LYPLAL1: variants seen among roughly 807,000 people sequenced by gnomAD.
The protein encoded by LYPLAL1 is lysophospholipase-like protein 1.
Under a neutral mutation model 19.7 loss-of-function variants are expected in LYPLAL1, and 23 were observed. The observed-to-expected ratio is 1.17, with a 90% CI of 0.84 to 1.65. LYPLAL1 has a LOEUF of 1.65. Among genes scored for constraint, LYPLAL1 ranks in the 40% most tolerant of loss-of-function variants. The pLI is 0.00. For synonymous variants in LYPLAL1, 119 were observed against 96.3 expected, an observed-to-expected ratio of 1.24 and a Z score of -1.38; for missense variants, 355 against 279.4, an observed-to-expected ratio of 1.27 and a Z score of -1.93.
the LYPLAL1 span, among the ~76,000 whole-genome samples, chr1:219,440,942 T>C: frequency 3.9e-5 from 6 of 152,150 alleles, no homozygotes; most frequent in African/African-American, 1.4e-4. Flanking sequence ...CACAGCACCA[T>C]TTATGAAGTT....
the LYPLAL1 span, among the ~76,000 whole-genome samples, chr1:219,235,886 T>C: frequency 7.2e-4 from 109 of 152,280 alleles, no homozygotes; most frequent in South Asian, 1.9e-3. Context: ...ACCAAAGACA[T>C]GGTTCTGAGG....
the LYPLAL1 span, among the ~76,000 whole-genome samples, chr1:219,314,801 T>C: frequency 1.3e-5 from 2 of 152,238 alleles, no homozygotes; most frequent in East Asian, 1.9e-4. Flanking sequence ...CATGTCTTTA[T>C]TGATCCATTA....
At chr1:219,188,096 A>G (rs998862529) in intron 2 of LYPLAL1, among the ~76,000 whole-genome samples, 5 of 151,814 alleles carry the variant, frequency 3.3e-5, no homozygotes, top group African/African-American at 9.7e-5. Flanking sequence ...CCCAAGTGGC[A>G]CAAATGATTA....
At chr1:219,273,341 A>G in the LYPLAL1 span, 1 of 152,188 alleles carries the variant, frequency 6.6e-6, no homozygotes, top group Admixed American at 6.5e-5. Flanking sequence ...GCTAACACAC[A>G]CTTTTTGATG....
chr1:219,401,198 A>G, the LYPLAL1 span, among the ~76,000 whole-genome samples: 1 of 151,998 alleles, frequency 6.6e-6, no homozygotes, highest in East Asian at 1.9e-4. Flanking sequence ...CTGCTAATTT[A>G]TCACTACTGT....
At chr1:219,331,688 G>A in the LYPLAL1 span, among the ~76,000 whole-genome samples, 12 of 152,248 alleles carry the variant, frequency 7.9e-5, no homozygotes, top group South Asian at 2.1e-4. Context: ...GCCAAGGGCC[G>A]GACACAATGA....
chr1:219,355,337 G>C, the LYPLAL1 span, among the ~76,000 whole-genome samples: 2 of 152,048 alleles, frequency 1.3e-5, no homozygotes, highest in South Asian at 4.2e-4. Flanking sequence ...AAATAAAGGA[G>C]ATAAAAGGGA....
chr1:219,371,579 A>G, the LYPLAL1 span, among the ~76,000 whole-genome samples: 8 of 152,224 alleles, frequency 5.3e-5, no homozygotes, highest in Non-Finnish European at 7.3e-5. Flanking sequence ...GTTTCTCTGT[A>G]CATATTTATA....
At chr1:219,186,455 C>T (rs1656728978) in intron 2 of LYPLAL1, among the ~76,000 whole-genome samples, 1 of 151,742 alleles carries the variant, frequency 6.6e-6, no homozygotes, top group South Asian at 2.1e-4. Context: ...GTCTGTTTCT[C>T]CCTTTAGTTC....
the LYPLAL1 span, among the ~76,000 whole-genome samples, chr1:219,219,134 C>T: frequency 6.6e-6 from 1 of 152,178 alleles, no homozygotes; most frequent in African/African-American, 2.4e-5. Flanking sequence ...TGAATGCTTC[C>T]AGGGCCAAGA....
At chr1:219,331,555 T>C in the LYPLAL1 span, among the ~76,000 whole-genome samples, 1 of 152,196 alleles carries the variant, frequency 6.6e-6, no homozygotes, top group African/African-American at 2.4e-5. Context: ...ACAATGCTAA[T>C]GCCTATTTGC....
intron 2 of LYPLAL1, 31 bp from the exon 3 acceptor site, chr1:219,193,049 CTT>C: frequency 1.5e-6 from 2 of 1,376,818 alleles, no homozygotes; most frequent in Non-Finnish European, 1.9e-6. Flanking sequence ...CTTTTCCTTT[CTT>C]TTTTTTTGGG....
At chr1:219,230,198 C>T in the LYPLAL1 span, among the ~76,000 whole-genome samples, 1 of 152,144 alleles carries the variant, frequency 6.6e-6, no homozygotes, top group African/African-American at 2.4e-5. Flanking sequence ...CTGCAACCTC[C>T]GCCTCCCGGG....
At position 219,211,832 on chromosome 1, in the gene LYPLAL1, C is replaced by G. The variant is rs993590444; in HGVS notation, c.*104C>G. The stretch of plus-strand genomic sequence containing the variant: ...TTAAAATATTAAGAAATAACACTTT[C>G]CTGACTTTTTTATTATTAAAATGCT... On this transcript the variant is annotated 3_prime_UTR_variant, in exon 5 of 5. Transcript: ENST00000366928. The G allele has an allele frequency of 4.0e-6, 3 of 741,688 alleles. No homozygotes were observed. The highest frequency in any genetic ancestry group is 6.3e-6 in the Non-Finnish European group (3 of 475,414). 45.9% of individuals were successfully genotyped at this position (741,688 alleles called of 1,614,324 possible).
At chr1:219,344,190 G>C in the LYPLAL1 span, among the ~76,000 whole-genome samples, 2 of 152,044 alleles carry the variant, frequency 1.3e-5, no homozygotes, top group Non-Finnish European at 2.9e-5. Flanking sequence ...ACTCACTGTA[G>C]TTTGTCTTCC....
At chr1:219,281,039 A>T in the LYPLAL1 span, among the ~76,000 whole-genome samples, 1 of 152,202 alleles carries the variant, frequency 6.6e-6, no homozygotes, top group African/African-American at 2.4e-5. Context: ...ACAAGGTGAG[A>T]CTGTCTCAAA....
At chr1:219,268,855 A>C in the LYPLAL1 span, among the ~76,000 whole-genome samples, 1 of 152,354 alleles carries the variant, frequency 6.6e-6, no homozygotes, top group African/African-American at 2.4e-5. Context: ...GTGCTTGCTA[A>C]GTTCAGAAGG....
At chr1:219,386,209 T>C in the LYPLAL1 span, among the ~76,000 whole-genome samples, 1 of 152,176 alleles carries the variant, frequency 6.6e-6, no homozygotes, top group Non-Finnish European at 1.5e-5. Flanking sequence ...TCTTCCAGAG[T>C]GTTACACCCT....
chr1:219,323,912 G>T, the LYPLAL1 span, among the ~76,000 whole-genome samples: 1 of 151,876 alleles, frequency 6.6e-6, no homozygotes, highest in East Asian at 1.9e-4. Context: ...TAATTAAAAG[G>T]CAGTGACTTG....
Sources: gnomAD v4.1 joint callset for allele counts (sites outside exome capture counted in the v4.1 genomes callset) on GRCh38, gnomAD v4.1.1 for gene constraint, MANE v1.5 for transcripts, NCBI Gene and HGNC (gene_info 2026-07-23, HGNC 2026-07-21) for gene names.